The following ROBO2 variants were observed in gnomAD, a reference collection of about 807,000 sequenced individuals.
ROBO2 encodes roundabout guidance receptor 2.
In ROBO2, 53 loss-of-function variants were observed where a neutral mutation model predicts 160.8. That is an observed-to-expected ratio of 0.33 (90% CI 0.26 to 0.41). The LOEUF (loss-of-function observed/expected upper bound fraction) is 0.41. Ranked by LOEUF, ROBO2 falls within the 10% of genes least tolerant of loss-of-function variation. The pLI is 1.00. For synonymous variants in ROBO2, 664 were observed against 611.7 expected, an observed-to-expected ratio of 1.09 and a Z score of -1.26; for missense variants, 1,577 against 1,722.4, an observed-to-expected ratio of 0.92 and a Z score of 1.49.
intron 22 of ROBO2, among the ~76,000 whole-genome samples, chr3:77,618,752 G>T (rs1469194858): frequency 6.6e-6 from 1 of 152,106 alleles, no homozygotes; most frequent in Admixed American, 6.6e-5. Flanking sequence ...ATTACTTAAA[G>T]ATTATTACAA....
At chr3:76,804,161 C>G (rs930116884) in intron 2 of ROBO2, among the ~76,000 whole-genome samples, 1 of 152,082 alleles carries the variant, frequency 6.6e-6, no homozygotes, top group African/African-American at 2.4e-5. Flanking sequence ...AATGAGAGAA[C>G]GATGAATGCT....
chr3:76,205,379 A>C (rs1702751011), intron 2 of ROBO2, among the ~76,000 whole-genome samples: 1 of 152,080 alleles, frequency 6.6e-6, no homozygotes, highest in Admixed American at 6.6e-5. Flanking sequence ...AAAAGAGAAA[A>C]GTCAGTGGGC....
intron 2 of ROBO2, among the ~76,000 whole-genome samples, chr3:75,956,120 A>C (rs1219372232): frequency 6.6e-6 from 1 of 151,794 alleles, no homozygotes; most frequent in Non-Finnish European, 1.5e-5. Context: ...AAATTTATCT[A>C]TCTGCAGGAA....
chr3:75,975,775 A>G (rs2065118877), intron 2 of ROBO2, among the ~76,000 whole-genome samples: 1 of 151,638 alleles, frequency 6.6e-6, no homozygotes, highest in South Asian at 2.1e-4. Context: ...TCTGTGATCT[A>G]TAATTTATTA....
intron 2 of ROBO2, among the ~76,000 whole-genome samples, chr3:77,129,754 C>T (rs1435229959): frequency 6.6e-6 from 1 of 152,006 alleles, no homozygotes; most frequent in Non-Finnish European, 1.5e-5. Flanking sequence ...AGCATACTTC[C>T]CAGTTGTAAT....
chr3:76,425,414 T>C (rs1268186407), intron 2 of ROBO2, among the ~76,000 whole-genome samples: 1 of 152,056 alleles, frequency 6.6e-6, no homozygotes, highest in Non-Finnish European at 1.5e-5. Flanking sequence ...TTTCCTCTCA[T>C]AACATTTTAA....
chr3:76,137,761 C>T (rs1662541734), intron 2 of ROBO2, among the ~76,000 whole-genome samples: 1 of 151,940 alleles, frequency 6.6e-6, no homozygotes, highest in Admixed American at 6.6e-5. Flanking sequence ...TGTCCCCTAC[C>T]TCCATCTTCA....
intron 18 of ROBO2, 28 bp downstream of exon 19, chr3:77,595,212 A>G (rs1233002044): frequency 2.6e-6 from 4 of 1,544,924 alleles, no homozygotes; most frequent in African/African-American, 1.4e-5. Flanking sequence ...TTTCATTATT[A>G]TTTTTATTTT....
chr3:77,342,757 G>T (rs143063608), intron 2 of ROBO2, among the ~76,000 whole-genome samples: 63 of 152,174 alleles, frequency 4.1e-4, no homozygotes, highest in African/African-American at 1.5e-3. Context: ...TGTGTCCCTT[G>T]TTGCAAGTAC....
intron 2 of ROBO2, among the ~76,000 whole-genome samples, chr3:76,032,809 T>A (rs994367285): frequency 2.0e-5 from 3 of 152,182 alleles, no homozygotes; most frequent in Non-Finnish European, 1.5e-5. Flanking sequence ...TTAAACACTA[T>A]GGCATGCTAG....
At chr3:75,912,207 A>G (rs1946628319) in intron 1 of ROBO2, among the ~76,000 whole-genome samples, 1 of 152,166 alleles carries the variant, frequency 6.6e-6, no homozygotes, top group East Asian at 1.9e-4. Flanking sequence ...CACAGGACAA[A>G]GTTTGATGAG....
At chr3:77,029,459 T>C (rs1252143569) in intron 2 of ROBO2, among the ~76,000 whole-genome samples, 4 of 151,050 alleles carry the variant, frequency 2.6e-5, no homozygotes, top group African/African-American at 9.9e-5. Context: ...GCGTTAAGCC[T>C]CTCTAAGATG....
chr3:76,786,944 C>T (rs1426419336), intron 2 of ROBO2, among the ~76,000 whole-genome samples: 2 of 151,308 alleles, frequency 1.3e-5, no homozygotes, highest in Admixed American at 1.3e-4. Flanking sequence ...GGATGCATGG[C>T]TGGGGAGGCC....
chr3:77,486,364 T>G (rs1283806126), intron 4 of ROBO2, among the ~76,000 whole-genome samples: 1 of 152,228 alleles, frequency 6.6e-6, no homozygotes, highest in Non-Finnish European at 1.5e-5. Flanking sequence ...ACAGTTGAAC[T>G]AATTTACATT....
intron 23 of ROBO2, chr3:77,634,353 T>A (rs1405491165): frequency 6.0e-6 from 1 of 166,578 alleles, no homozygotes; most frequent in Non-Finnish European, 1.3e-5. Flanking sequence ...TAAGGTCAAT[T>A]TAATATATGT....
chr3:76,844,609 C>T (rs1433607221), intron 2 of ROBO2, among the ~76,000 whole-genome samples: 1 of 151,876 alleles, frequency 6.6e-6, no homozygotes, highest in Non-Finnish European at 1.5e-5. Flanking sequence ...AGCTTAATTC[C>T]ATAAATGTTG....
At chr3:75,962,912 A>T (rs1386486827) in intron 2 of ROBO2, among the ~76,000 whole-genome samples, 3 of 151,804 alleles carry the variant, frequency 2.0e-5, no homozygotes, top group Non-Finnish European at 4.4e-5. Context: ...CTTTACCAGT[A>T]GGTAGATTAT....
intron 2 of ROBO2, among the ~76,000 whole-genome samples, chr3:76,413,859 C>G (rs1308169406): frequency 6.6e-6 from 1 of 152,142 alleles, no homozygotes; most frequent in African/African-American, 2.4e-5. Flanking sequence ...TCAGCAATGC[C>G]CCACTCTACT....
chr3:77,018,460 A>C (rs896066297), intron 2 of ROBO2, among the ~76,000 whole-genome samples: 1 of 152,190 alleles, frequency 6.6e-6, no homozygotes, highest in Non-Finnish European at 1.5e-5. Flanking sequence ...AAAGAATTCT[A>C]TATTGATAAT....
Sources: gnomAD v4.1 joint callset for allele counts (sites outside exome capture counted in the v4.1 genomes callset) on GRCh38, gnomAD v4.1.1 for gene constraint, MANE v1.5 for transcripts, NCBI Gene and HGNC (gene_info 2026-07-23, HGNC 2026-07-21) for gene names.